DLG5: variants seen among roughly 807,000 people sequenced by gnomAD.
DLG5 encodes disks large homolog 5.
A neutral mutation model predicts 189.8 loss-of-function variants in DLG5; 48 were observed. The ratio of observed to expected loss-of-function variants is 0.25; its 90% CI spans 0.20 to 0.32. DLG5 has a LOEUF of 0.32. Ranked by LOEUF, DLG5 falls within the 10% of genes least tolerant of loss-of-function variation. The pLI is 1.00. For missense variants in DLG5, 2,160 were observed against 2,544.7 expected, an observed-to-expected ratio of 0.85 and a Z score of 3.25; for synonymous variants, 1,016 against 1,054.1, an observed-to-expected ratio of 0.96 and a Z score of 0.70.
the DLG5 span, among the ~76,000 whole-genome samples, chr10:77,939,156 G>A: frequency 6.6e-6 from 1 of 152,174 alleles, no homozygotes; most frequent in Non-Finnish European, 1.5e-5. Context: ...CTCCAGCCTG[G>A]GCAACAAGAG....
intron 1 of DLG5, among the ~76,000 whole-genome samples, chr10:77,917,540 GAA>G (rs1846398871): frequency 1.3e-5 from 2 of 149,124 alleles, no homozygotes; most frequent in African/African-American, 5.0e-5. Flanking sequence ...AAAAAAAGAA[GAA>G]AGAGAGAGAG....
At chr10:77,827,670 CT>C (rs2154575838) in intron 13 of DLG5, among the ~76,000 whole-genome samples, 1 of 152,332 alleles carries the variant, frequency 6.6e-6, no homozygotes, top group Non-Finnish European at 1.5e-5. Context: ...CAATGCAGGA[CT>C]GTTTGCAATT....
At position 77,816,623 on chromosome 10, in the gene DLG5, G is replaced by A. The variant is rs1350355141; in HGVS notation, c.3953C>T (p.Ser1318Phe). 2 of 1,614,084 alleles carry A rather than the reference G, an allele frequency of 1.2e-6. No individual in the cohort carries two copies. The highest frequency in any genetic ancestry group is 2.7e-5 in the African/African-American group (2 of 74,942). Reference sequence around the variant, plus strand: ...GGGCAATGTGGAGGCTGAGGTCTGGGACTGGCTACAAGAGGACAGGGTGTC... The same window carrying A: ...GGGCAATGTGGAGGCTGAGGTCTGGAACTGGCTACAAGAGGACAGGGTGTC... Reference protein sequence around the residue: ...NIDTLSSCSQSQTSASTLPRI... With the variant: ...NIDTLSSCSQFQTSASTLPRI... The change falls in exon 20 of 32, where the codon TCC becomes TTC. Residue 1318 changes from serine to phenylalanine, a missense_variant. Around this residue, in one of 5 missense-constraint regions of DLG5, gnomAD observed 754 missense variants for 746.5 expected, o/e 1.01. Coordinates refer to ENST00000372391, the MANE Select transcript of DLG5 (RefSeq NM_004747.4).
At chr10:77,939,590 C>T in the DLG5 span, among the ~76,000 whole-genome samples, 3 of 152,202 alleles carry the variant, frequency 2.0e-5, no homozygotes, top group African/African-American at 7.2e-5. Context: ...GATCATGAAG[C>T]TGGAAAGTGA....
At position 77,879,977 on chromosome 10, in the gene DLG5, T is replaced by G. The variant is rs986339068; in HGVS notation, c.305-10780A>C. ...TAATCTGAGAATTGTCAGCATATGCTTAGTATTTAAAGTGATGAGCCTTGA... is the reference window on the plus strand; with the variant it reads ...TAATCTGAGAATTGTCAGCATATGCGTAGTATTTAAAGTGATGAGCCTTGA... On this transcript the variant is annotated intron_variant, in intron 1 of 31. Coordinates refer to ENST00000372391, the MANE Select transcript of DLG5 (RefSeq NM_004747.4). Among the ~76,000 whole-genome samples the G allele has an allele frequency of 2.0e-5, 3 of 152,094 alleles. No homozygotes were observed. In the South Asian group the frequency reaches 6.3e-4, roughly 32 times the overall value.
intron 3 of DLG5, among the ~76,000 whole-genome samples, chr10:77,855,060 T>C (rs1844166040): frequency 6.6e-6 from 1 of 152,208 alleles, no homozygotes; most frequent in Non-Finnish European, 1.5e-5. Flanking sequence ...CTCCTCTCTT[T>C]AGAACAATGA....
intron 7 of DLG5, among the ~76,000 whole-genome samples, chr10:77,837,705 C>T (rs1843215434): frequency 6.6e-6 from 1 of 152,178 alleles, no homozygotes; most frequent in Non-Finnish European, 1.5e-5. Flanking sequence ...AAGTGACTCG[C>T]CAGGGCTCCC....
chr10:77,843,798 T>A, intron 5 of DLG5, 92 bp from the exon 6 acceptor site: 1 of 1,548,014 alleles, frequency 6.5e-7, no homozygotes, highest in Non-Finnish European at 8.8e-7. Context: ...AGGGTGAGAC[T>A]GATGACAAGG....
Position 77,835,904 on chromosome 10 carries a change from T to C in DLG5, c.1456A>G (p.Met486Val), listed in dbSNP as rs1843106787. 6.2e-6 allele frequency: 10 copies of C among 1,613,206 alleles called. No individual in the cohort carries two copies. Among genetic ancestry groups the C allele is most frequent in the Non-Finnish European group, 6.8e-6 (8 of 1,179,328 alleles). Residue 486 changes from methionine (M) to valine (V), a missense_variant, in exon 8 of 32, where the codon ATG becomes GTG. By Grantham distance (21) the Met-to-Val change is conservative (BLOSUM62 1). This residue lies in a region of DLG5 where 664 missense variants were observed against 838.5 expected (regional missense o/e 0.79). Coordinates refer to ENST00000372391, the MANE Select transcript of DLG5 (RefSeq NM_004747.4). Reference sequence around the variant, plus strand: ...TCCTTGTTGGCTCTCCCAGCATCCATTGTCACCGTGTCTTTGATCTGGTGG... The same window carrying C: ...TCCTTGTTGGCTCTCCCAGCATCCACTGTCACCGTGTCTTTGATCTGGTGG... ...ALRQIKDTVT[M>V]DAGRANKEVE...
intron 7 of DLG5, among the ~76,000 whole-genome samples, chr10:77,841,580 G>A (rs780811508): frequency 2.6e-5 from 4 of 152,188 alleles, no homozygotes; most frequent in Non-Finnish European, 5.9e-5. Flanking sequence ...ACTTCAGCAT[G>A]GGACTGATCT....
chr10:77,867,224 T>C, intron 2 of DLG5: 1 of 397,080 alleles, frequency 2.5e-6, no homozygotes, highest in Admixed American at 2.7e-5. Flanking sequence ...CCATCAGCAG[T>C]AATTGCTATG....
At chr10:77,901,413 A>G (rs1336250028) in intron 1 of DLG5, among the ~76,000 whole-genome samples, 2 of 152,216 alleles carry the variant, frequency 1.3e-5, no homozygotes, top group Admixed American at 1.3e-4. Flanking sequence ...CCTGGAGGTT[A>G]CACCTGGCAA....
At position 77,843,572 on chromosome 10, in the gene DLG5, T is replaced by C. The variant is rs774237321; in HGVS notation, c.999A>G (p.Ala333=). The change falls in exon 6 of 32, where the codon GCA becomes GCG. Residue 333 remains alanine, a synonymous_variant. Transcript: ENST00000372391. The part of the protein sequence containing the change: ...RYSEKVAIHN[A]DLSRLEQLGE... ...CCAGCTGCTCCAGGCGGCTCAGGTCTGCATTGTGGATGGCGACTTTCTCAC... is the reference window on the plus strand; with the variant it reads ...CCAGCTGCTCCAGGCGGCTCAGGTCCGCATTGTGGATGGCGACTTTCTCAC... 3.7e-5 allele frequency: 59 copies of C among 1,614,160 alleles called. No homozygotes were observed. The highest frequency in any genetic ancestry group is 4.7e-5 in the Non-Finnish European group (55 of 1,180,042).
Position 77,856,432 on chromosome 10 carries a change from G to A in DLG5, c.536+298C>T, listed in dbSNP as rs1844229151. On this transcript the variant is annotated intron_variant, in intron 3 of 31. Transcript: ENST00000372391. ...CATAAAGCTTCACTCAACTTAGGCA[G>A]GTCTAGGAGACAGTGGTAGGGACAC... Among the ~76,000 whole-genome samples the A allele has an allele frequency of 2.7e-5, 4 of 148,026 alleles. No individual in the cohort carries two copies. The South Asian group carries it at 8.6e-4, about 32-fold the overall frequency.
chr10:77,844,214 G>A (rs1025216322), intron 5 of DLG5, among the ~76,000 whole-genome samples: 1 of 152,142 alleles, frequency 6.6e-6, no homozygotes, highest in Admixed American at 6.5e-5. Context: ...CTTGAGCACT[G>A]AGTCTCTAAT....
chr10:77,923,286 G>C (rs566334205), intron 1 of DLG5, among the ~76,000 whole-genome samples: 115 of 152,364 alleles, frequency 7.5e-4, no homozygotes, highest in Non-Finnish European at 1.2e-3. Context: ...AGTGGAAGGA[G>C]GCAGGACCAA....
chr10:77,872,188 G>A (rs868250573), intron 1 of DLG5, among the ~76,000 whole-genome samples: 7 of 152,192 alleles, frequency 4.6e-5, no homozygotes, highest in Middle Eastern at 3.2e-3. Context: ...CGCTCCAGAT[G>A]CCTCTGCTGG....
chr10:77,856,453 GAC>G (rs58908767), intron 3 of DLG5, among the ~76,000 whole-genome samples: 7,009 of 149,742 alleles, frequency 0.047, 520 homozygotes, highest in African/African-American at 0.16. Context: ...CAGTGGTAGG[GAC>G]ACACACACAC....
chr10:77,897,442 C>T (rs971378226), intron 1 of DLG5, among the ~76,000 whole-genome samples: 2 of 152,146 alleles, frequency 1.3e-5, no homozygotes, highest in Non-Finnish European at 2.9e-5. Flanking sequence ...TGTGCTACTG[C>T]TGCCATGTTT....
Sources: gnomAD v4.1 joint callset for allele counts (sites outside exome capture counted in the v4.1 genomes callset) on GRCh38, gnomAD v4.1.1 for gene constraint, gnomAD v4.1.1 regional missense constraint, MANE v1.5 for transcripts, NCBI Gene and HGNC (gene_info 2026-07-23, HGNC 2026-07-21) for gene names.